Variants in TM4SF19 observed in about 807,000 individuals in gnomAD.
TM4SF19 encodes transmembrane 4 L6 family member 19.
Under a neutral mutation model 21.8 loss-of-function variants are expected in TM4SF19, and 17 were observed. The ratio of observed to expected loss-of-function variants is 0.78; its 90% CI spans 0.53 to 1.17. The LOEUF is 1.17. Among genes scored for constraint, TM4SF19 ranks in the 50% most tolerant of loss-of-function variants. The pLI is 0.00. For missense variants in TM4SF19, 216 were observed against 252.1 expected (o/e 0.86, Z 0.97); for synonymous variants, 107 against 106.7 (o/e 1.00, Z -0.02).
chr3:196,327,616 C>T lies in TM4SF19; in HGVS notation c.-1-25G>A, dbSNP rs115080851. On this transcript the variant is annotated intron_variant, in intron 1 of 4. Coordinates refer to ENST00000273695, the MANE Select transcript of TM4SF19 (RefSeq NM_138461.4). ...CCTGGAACAGATAGAAAGGGAGTCG[C>T]AGCAGCTCTGCTGTGGGGGGATGGG... The T allele has an allele frequency of 1.9e-3, 3,014 of 1,602,976 alleles. 48 individuals are homozygous for T. In the African/African-American group the frequency reaches 0.035, roughly 19 times the overall value.
intron 1 of TM4SF19, among the ~76,000 whole-genome samples, chr3:196,328,988 G>A (rs994210520): frequency 6.6e-6 from 1 of 151,840 alleles, no homozygotes; most frequent in Non-Finnish European, 1.5e-5. Context: ...CTGTTGCTCA[G>A]GCTGGAGTGC....
intron 1 of TM4SF19, among the ~76,000 whole-genome samples, chr3:196,333,882 G>A (rs1319679482): frequency 3.3e-5 from 5 of 152,122 alleles, no homozygotes; most frequent in East Asian, 1.9e-4. Flanking sequence ...CCAACCTGGC[G>A]AAACCTCATC....
intron 1 of TM4SF19, among the ~76,000 whole-genome samples, chr3:196,333,414 G>A (rs1381897452): frequency 6.6e-6 from 1 of 152,134 alleles, no homozygotes; most frequent in Non-Finnish European, 1.5e-5. Flanking sequence ...AAATAGAACA[G>A]TTATAACAAC....
chr3:196,334,484 C>G (rs1160422347), intron 1 of TM4SF19, among the ~76,000 whole-genome samples: 2 of 151,168 alleles, frequency 1.3e-5, no homozygotes, highest in East Asian at 1.9e-4. Flanking sequence ...GACAGAGTCT[C>G]ACTCTGTCGC....
In TM4SF19 at chr3:196,324,323, T is replaced by G; in HGVS notation, c.397A>C (p.Asn133His). The change falls in exon 4 of 5, where the codon AAT becomes CAT. Residue 133 changes from asparagine to histidine, a missense_variant. Asn to His is a moderately conservative substitution (Grantham distance 68). Coordinates refer to ENST00000273695, the MANE Select transcript of TM4SF19 (RefSeq NM_138461.4). ...PFCMFDVSSF[N>H]QTQAWKYGYP... ...CCATATTTCCAAGCTTGTGTCTGATTGAAGGATGAAACATCAAACATGCAA... is the reference window on the plus strand; with the variant it reads ...CCATATTTCCAAGCTTGTGTCTGATGGAAGGATGAAACATCAAACATGCAA... 1 of 1,614,144 alleles carries G rather than the reference T, an allele frequency of 6.2e-7. No homozygotes were observed. Among genetic ancestry groups the G allele is most frequent in the South Asian group, 1.1e-5 (1 of 91,090 alleles).
intron 1 of TM4SF19, among the ~76,000 whole-genome samples, chr3:196,333,486 T>C (rs975152947): frequency 3.9e-5 from 6 of 152,244 alleles, no homozygotes; most frequent in Admixed American, 2.6e-4. Flanking sequence ...ATGTAAGTTT[T>C]TTGAACTGCA....
rs1727269680 is a variant in TM4SF19, at chr3:196,325,960, AT to A, written c.279+994del. On this transcript the variant is annotated intron_variant, in intron 3 of 4. Transcript: ENST00000273695. This position sits in a 1 kb window ranked among gnomAD's most constrained non-coding sequence, Gnocchi z 4.3. Reference sequence around the variant, plus strand: ...GAATGAAATGTGCAAGTGTTTATTTATTTATCTATGTACTTATTTATTTATT... The same window carrying A: ...GAATGAAATGTGCAAGTGTTTATTTATTATCTATGTACTTATTTATTTATT... 6.6e-6 allele frequency among the ~76,000 whole-genome samples: 1 copy of A among 152,078 alleles called. No homozygotes were observed. Among genetic ancestry groups the A allele is most frequent in the Admixed American group, 6.6e-5 (1 of 15,266 alleles).
intron 1 of TM4SF19, among the ~76,000 whole-genome samples, chr3:196,336,626 T>C (rs1221392885): frequency 3.9e-5 from 6 of 152,252 alleles, no homozygotes; most frequent in South Asian, 2.1e-4. Flanking sequence ...CTAGAAATTA[T>C]AACATTTGGA....
intron 1 of TM4SF19, among the ~76,000 whole-genome samples, chr3:196,330,604 A>T (rs1011535370): frequency 6.6e-6 from 1 of 152,232 alleles, no homozygotes; most frequent in Non-Finnish European, 1.5e-5. Flanking sequence ...AAGAAGCCAG[A>T]AACAAAAGAC....
intron 1 of TM4SF19, 123 bp from the exon 2 acceptor site, chr3:196,327,714 C>A: frequency 1.4e-6 from 1 of 734,330 alleles, no homozygotes. Context: ...AGGGTCAGAC[C>A]AATGAGAGCC....
intron 1 of TM4SF19, among the ~76,000 whole-genome samples, chr3:196,332,410 A>AGAGAGAGAGGAGG (rs1200876332): frequency 1.5e-5 from 2 of 134,272 alleles, no homozygotes; most frequent in Non-Finnish European, 3.2e-5. Flanking sequence ...CAAAAGAGAG[A>AGAGAGAGAGGAGG]GAGAGAGAGG....
chr3:196,331,282 A>AT (rs1428103409), intron 1 of TM4SF19, among the ~76,000 whole-genome samples: 107 of 149,298 alleles, frequency 7.2e-4, no homozygotes, highest in African/African-American at 2.1e-3. Flanking sequence ...ATCTAAAAAA[A>AT]AAATATATAT....
intron 1 of TM4SF19, among the ~76,000 whole-genome samples, chr3:196,328,299 TA>T (rs554680176): frequency 3.1e-3 from 434 of 139,950 alleles, no homozygotes; most frequent in Middle Eastern, 0.011. Context: ...GACTCCATCT[TA>T]AAAAAAAAAA....
Position 196,338,344 on chromosome 3 carries a change from C to T in TM4SF19, c.-82G>A, listed in dbSNP as rs1727855014. ...GTCTTCAGAGTGGGGCTCCACTCCT[C>T]CAGCTCCAGGGCTGGACCTGAAGGT... On this transcript the variant is annotated 5_prime_UTR_variant, in exon 1 of 5. Transcript: ENST00000273695. 1 of 152,394 alleles carries T rather than the reference C, an allele frequency of 6.6e-6. No homozygotes were observed. 9.4% of individuals were successfully genotyped at this position (152,394 alleles called of 1,614,324 possible).
Position 196,327,527 on chromosome 3 carries a change from G to A in TM4SF19, c.64C>T (p.Leu22Phe), listed in dbSNP as rs374081817. Residue 22 changes from leucine to phenylalanine, a missense_variant, in exon 2 of 5, where the codon CTT becomes TTT. Physicochemically the swap from Leu to Phe is conservative, Grantham distance 22 (BLOSUM62 0). Transcript: ENST00000273695. ...RTCSRILGLS[L>F]GTAALFAAGA... ...GCAGCAAACAGGGCTGCAGTCCCAAGGCTCAGTCCCAGGATACGGGAGCAA... is the reference window on the plus strand; with the variant it reads ...GCAGCAAACAGGGCTGCAGTCCCAAAGCTCAGTCCCAGGATACGGGAGCAA... 3.0e-5 allele frequency: 48 copies of A among 1,614,022 alleles called. No homozygotes were observed. The highest frequency in any genetic ancestry group is 3.4e-5 in the Non-Finnish European group (40 of 1,180,052).
chr3:196,337,957 A>G (rs1032346829), intron 1 of TM4SF19, among the ~76,000 whole-genome samples: 14 of 152,010 alleles, frequency 9.2e-5, no homozygotes, highest in African/African-American at 3.4e-4. Context: ...GGGGCATCCA[A>G]CTTAAGGTGT....
At chr3:196,326,796 A>G (rs1727307334) in intron 3 of TM4SF19, among the ~76,000 whole-genome samples, 159 bp downstream of exon 3, 2 of 152,142 alleles carry the variant, frequency 1.3e-5, no homozygotes, top group Admixed American at 6.5e-5. Context: ...TGAAACTGGA[A>G]AGATGAAGCA....
At position 196,324,557 on chromosome 3, in the gene TM4SF19, G is replaced by C. The variant is rs891422936; in HGVS notation, c.280-117C>G. The C allele has an allele frequency of 1.4e-5, 14 of 1,003,796 alleles. No homozygotes were observed. The African/African-American group carries it at 2.3e-4, about 16-fold the overall frequency. The allele number at this position is 1,003,796 out of a possible 1,614,324, so 62.2% of individuals were successfully genotyped here. A position where few individuals can be genotyped will look rare whatever the true frequency, so the allele number is the denominator to read the frequency against. On this transcript the variant is annotated intron_variant, in intron 3 of 4. Coordinates refer to ENST00000273695, the MANE Select transcript of TM4SF19 (RefSeq NM_138461.4). Reference sequence around the variant, plus strand: ...AGCTGGGGAGTCTGTGGGGCGGTCTGCACAGGTCTGACTTCTCTGGTCTCA... The same window carrying C: ...AGCTGGGGAGTCTGTGGGGCGGTCTCCACAGGTCTGACTTCTCTGGTCTCA...
intron 1 of TM4SF19, among the ~76,000 whole-genome samples, chr3:196,335,049 G>T (rs1411769325): frequency 2.3e-5 from 2 of 86,190 alleles, no homozygotes; most frequent in African/African-American, 6.1e-5. Context: ...CCCTGAGAAG[G>T]TGGGGGTTAG....
Sources: gnomAD v4.1 joint callset for allele counts (sites outside exome capture counted in the v4.1 genomes callset) on GRCh38, gnomAD v4.1.1 for gene constraint, Gnocchi (gnomAD v3.1) non-coding constraint, MANE v1.5 for transcripts, NCBI Gene and HGNC (gene_info 2026-07-23, HGNC 2026-07-21) for gene names.